Variants in FAM163A observed in about 807,000 individuals in gnomAD.
The protein encoded by FAM163A is protein FAM163A.
Under a neutral mutation model 12.0 loss-of-function variants are expected in FAM163A, and 7 were observed. The ratio of observed to expected loss-of-function variants is 0.58; its 90% CI spans 0.33 to 1.10. The LOEUF (loss-of-function observed/expected upper bound fraction) is 1.10, where lower values mean the gene tolerates loss of function less well. Among genes scored for constraint, FAM163A ranks in the 50% least tolerant of loss-of-function variants. FAM163A has a pLI of 0.03. For synonymous variants in FAM163A, 101 were observed against 91.0 expected (o/e 1.11, Z -0.62); for missense variants, 202 against 218.6 (o/e 0.92, Z 0.48).
intron 1 of FAM163A, among the ~76,000 whole-genome samples, chr1:179,787,554 G>A (rs1690823743): frequency 6.6e-6 from 1 of 152,222 alleles, no homozygotes; most frequent in Non-Finnish European, 1.5e-5. Flanking sequence ...AGGCAGGGGT[G>A]AAATCAGGAA....
chr1:179,754,390 G>A (rs557992997), intron 1 of FAM163A, among the ~76,000 whole-genome samples: 3 of 152,124 alleles, frequency 2.0e-5, no homozygotes, highest in South Asian at 2.1e-4. Flanking sequence ...GCCTGCACCC[G>A]GGACTGAGAC....
In FAM163A at chr1:179,762,839, G is replaced by A. The variant is rs1382384514; in HGVS notation, c.-136+19416G>A. Among the ~76,000 whole-genome samples, 6 of 152,206 alleles carry A rather than the reference G, an allele frequency of 3.9e-5. 1 individual carries two copies. The highest frequency in any genetic ancestry group is 8.8e-5 in the Non-Finnish European group (6 of 68,038). ...GGCCTAGGAGAGAAATACTTCAGGC[G>A]ACATGATGATGGTCCTTATCTTCCA... On this transcript the variant is annotated intron_variant, in intron 1 of 4. Transcript: ENST00000341785.
upstream of FAM163A, among the ~76,000 whole-genome samples, chr1:179,739,087 A>G (rs1683329087): frequency 6.6e-6 from 1 of 152,194 alleles, no homozygotes; most frequent in African/African-American, 2.4e-5. Flanking sequence ...TGCCAGAGCA[A>G]CTGGACCTTA....
chr1:179,797,857 T>C (rs1692561634), intron 1 of FAM163A, among the ~76,000 whole-genome samples: 1 of 152,214 alleles, frequency 6.6e-6, no homozygotes, highest in Non-Finnish European at 1.5e-5. Context: ...AGTTGAGAAT[T>C]ACTAAACCCC....
rs1199335115 is a variant in FAM163A, at chr1:179,748,307, GC to G, written c.-136+4887del. On this transcript the variant is annotated intron_variant, in intron 1 of 4. Coordinates refer to ENST00000341785, the MANE Select transcript of FAM163A (RefSeq NM_173509.3). ...AGCTGCTTTTTCTTGTGCTGCTGTT[GC>G]CCACAGTGGTGGGAGCAAGAAGCTG... is the stretch of plus-strand genomic sequence containing the variant. 2.6e-5 allele frequency among the ~76,000 whole-genome samples: 4 copies of G among 152,164 alleles called. No homozygotes were observed. The South Asian group carries it at 8.3e-4, about 31-fold the overall frequency.
intron 1 of FAM163A, among the ~76,000 whole-genome samples, chr1:179,790,462 C>T (rs1691298076): frequency 6.6e-6 from 1 of 152,062 alleles, no homozygotes; most frequent in Admixed American, 6.5e-5. Flanking sequence ...CTGACAGTCT[C>T]TAGAATTCAC....
Position 179,814,831 on chromosome 1 carries a change from G to A in FAM163A, c.*642G>A, listed in dbSNP as rs1695158995. 6.6e-6 allele frequency: 1 copy of A among 152,284 alleles called. No individual in the cohort carries two copies. The highest frequency in any genetic ancestry group is 2.1e-4 in the South Asian group (1 of 4,832). The allele number at this position is 152,284 out of a possible 1,614,324, so 9.4% of individuals were successfully genotyped here. A position where few individuals can be genotyped will look rare whatever the true frequency, so the allele number is the denominator to read the frequency against. ...TCACATCTCACCTGCCCCCTTCCTC[G>A]TGGGACGTGTCAAGTTGACTTTAAA... On this transcript the variant is annotated 3_prime_UTR_variant, in exon 5 of 5. Coordinates refer to ENST00000341785, the MANE Select transcript of FAM163A (RefSeq NM_173509.3).
At chr1:179,795,892 A>G (rs887509080) in intron 1 of FAM163A, among the ~76,000 whole-genome samples, 1 of 151,336 alleles carries the variant, frequency 6.6e-6, no homozygotes, top group African/African-American at 2.4e-5. Context: ...TTGGCCATTC[A>G]TAACTGATTT....
chr1:179,771,323 G>A (rs761526802), intron 1 of FAM163A, among the ~76,000 whole-genome samples: 4 of 152,106 alleles, frequency 2.6e-5, no homozygotes, highest in African/African-American at 4.8e-5. Context: ...GGTCTGTCCC[G>A]CCCACAGATG....
At chr1:179,808,333 AAAC>A (rs1231234395) in intron 2 of FAM163A, among the ~76,000 whole-genome samples, 1 of 152,260 alleles carries the variant, frequency 6.6e-6, no homozygotes, top group African/African-American at 2.4e-5. Flanking sequence ...CAGCAGCTTA[AAAC>A]AACACACAGT....
chr1:179,801,312 C>T (rs763344403), intron 1 of FAM163A, among the ~76,000 whole-genome samples: 13 of 152,134 alleles, frequency 8.5e-5, no homozygotes, highest in Admixed American at 8.5e-4. Flanking sequence ...GTTTTCAGGG[C>T]TCATCTCTCT....
In FAM163A at chr1:179,813,200, C is replaced by T. The variant is rs189748914; in HGVS notation, c.93+10C>T. ...CTACTGCAGGCTCCAGGTCAGTCCC[C>T]GGGACCCGTAGCCAGAGGCTGCCAG... is the stretch of plus-strand genomic sequence containing the variant. On this transcript the variant is annotated intron_variant, in intron 4 of 4. Transcript: ENST00000341785. 5 of 1,551,064 alleles carry T rather than the reference C, an allele frequency of 3.2e-6. No homozygotes were observed. The highest frequency in any genetic ancestry group is 2.4e-5 in the East Asian group (1 of 40,884).
rs1052581174 is a variant in FAM163A, at chr1:179,771,136, C to A, written c.-136+27713C>A. Among the ~76,000 whole-genome samples the A allele has an allele frequency of 2.0e-5, 3 of 152,276 alleles. No homozygotes were observed. The East Asian group carries it at 5.8e-4, about 29-fold the overall frequency. On this transcript the variant is annotated intron_variant, in intron 1 of 4. Coordinates refer to ENST00000341785, the MANE Select transcript of FAM163A (RefSeq NM_173509.3). ...TAACCCTGCCACTACCACCCCACCC[C>A]ATGCGGGACCAGGACAGTGCCTTCT...
intron 1 of FAM163A, among the ~76,000 whole-genome samples, chr1:179,771,979 T>C (rs974341884): frequency 2.0e-5 from 3 of 152,158 alleles, no homozygotes; most frequent in African/African-American, 7.2e-5. Flanking sequence ...TTTGAGATTC[T>C]GTTCTCTGGC....
chr1:179,731,887 C>T, the FAM163A span, among the ~76,000 whole-genome samples: 1 of 152,222 alleles, frequency 6.6e-6, no homozygotes, highest in African/African-American at 2.4e-5. Context: ...AGTGAGACCA[C>T]AGTGCCAACA....
chr1:179,769,381 G>A (rs990843725), intron 1 of FAM163A, among the ~76,000 whole-genome samples: 2 of 151,396 alleles, frequency 1.3e-5, no homozygotes, highest in African/African-American at 2.4e-5. Context: ...TTGAACTCCT[G>A]GGCTCAAATG....
At chr1:179,740,453 C>G (rs1456350174), upstream of FAM163A, among the ~76,000 whole-genome samples, 1 of 152,016 alleles carries the variant, frequency 6.6e-6, no homozygotes, top group Non-Finnish European at 1.5e-5. Context: ...TTTGTAATAC[C>G]CCTGAAACTG....
chr1:179,732,262 C>T, the FAM163A span, among the ~76,000 whole-genome samples: 1 of 152,162 alleles, frequency 6.6e-6, no homozygotes, highest in East Asian at 1.9e-4. Flanking sequence ...ACTTTTTGTT[C>T]AAGAACAGAT....
chr1:179,783,129 TAAA>T (rs11378381), intron 1 of FAM163A, among the ~76,000 whole-genome samples: 1 of 141,372 alleles, frequency 7.1e-6, no homozygotes, highest in Non-Finnish European at 1.5e-5. Flanking sequence ...AACTCCGTCT[TAAA>T]AAAAAAAAAA....
Sources: gnomAD v4.1 joint callset for allele counts (sites outside exome capture counted in the v4.1 genomes callset) on GRCh38, gnomAD v4.1.1 for gene constraint, MANE v1.5 for transcripts, NCBI Gene and HGNC (gene_info 2026-07-23, HGNC 2026-07-21) for gene names.